COBLL1: variants seen among roughly 807,000 people sequenced by gnomAD.
The protein encoded by COBLL1 is cordon-bleu protein-like 1.
A neutral mutation model predicts 94.8 loss-of-function variants in COBLL1; 50 were observed. The ratio of observed to expected loss-of-function variants is 0.53; its 90% CI spans 0.42 to 0.67. The LOEUF is 0.67. Among genes scored for constraint, COBLL1 ranks in the 30% least tolerant of loss-of-function variants. The pLI is 0.00. For missense variants in COBLL1, 1,362 were observed against 1,348.7 expected (o/e 1.01, Z -0.15); for synonymous variants, 448 against 473.8 (o/e 0.95, Z 0.71).
intron 2 of COBLL1, among the ~76,000 whole-genome samples, chr2:164,838,483 T>C (rs538026988): frequency 5.6e-4 from 85 of 152,344 alleles, no homozygotes; most frequent in African/African-American, 2.0e-3. Flanking sequence ...TGGTTAAATA[T>C]AAGTTATCCG....
intron 2 of COBLL1, among the ~76,000 whole-genome samples, chr2:164,789,202 C>T (rs1331565455): frequency 6.6e-6 from 1 of 151,916 alleles, no homozygotes; most frequent in Non-Finnish European, 1.5e-5. Context: ...CAAAACAAAA[C>T]AAAAACACAT....
intron 7 of COBLL1, among the ~76,000 whole-genome samples, chr2:164,717,017 C>A (rs1027702766): frequency 8.5e-5 from 13 of 152,178 alleles, no homozygotes; most frequent in African/African-American, 3.1e-4. Context: ...AATAAAATTG[C>A]TAATTATAAA....
chr2:164,830,131 G>C (rs1683001529), intron 2 of COBLL1, among the ~76,000 whole-genome samples: 1 of 152,210 alleles, frequency 6.6e-6, no homozygotes, highest in South Asian at 2.1e-4. Flanking sequence ...TCATTTCACT[G>C]TACTACTCAC....
intron 3 of COBLL1, among the ~76,000 whole-genome samples, chr2:164,737,095 G>T (rs1010026288): frequency 3.9e-5 from 6 of 152,166 alleles, no homozygotes; most frequent in African/African-American, 1.4e-4. Context: ...CCCAGAGTTT[G>T]AGGCTGCAGT....
At chr2:164,696,785 C>T (rs1026511679) in intron 11 of COBLL1, 2 of 152,128 alleles carry the variant, frequency 1.3e-5, no homozygotes, top group African/African-American at 2.4e-5. Flanking sequence ...TGCCCAGTAC[C>T]GAATTAAGTC....
chr2:164,694,205 T>C (rs1683770990), intron 12 of COBLL1, 64 bp downstream of exon 12: 3 of 1,462,734 alleles, frequency 2.1e-6, no homozygotes, highest in Admixed American at 2.0e-5. Flanking sequence ...TCAACATGCT[T>C]GTTAACCCCC....
intron 10 of COBLL1, 55 bp downstream of exon 10, chr2:164,700,454 CTATATTTCAGAAG>C: frequency 2.1e-6 from 2 of 931,078 alleles, no homozygotes; most frequent in Non-Finnish European, 3.3e-6. Flanking sequence ...AATATCAGAT[CTATATTTCAGAAG>C]ACTAGTATTA....
At chr2:164,719,563 A>T (rs189056939) in intron 7 of COBLL1, among the ~76,000 whole-genome samples, 119 of 152,294 alleles carry the variant, frequency 7.8e-4, no homozygotes, top group African/African-American at 2.8e-3. Flanking sequence ...CTGTGGCAGC[A>T]TAATGCCAAT....
intron 2 of COBLL1, among the ~76,000 whole-genome samples, chr2:164,746,372 G>A (rs1686858882): frequency 1.3e-5 from 2 of 152,042 alleles, no homozygotes; most frequent in Admixed American, 1.3e-4. Flanking sequence ...CTCTGAATGT[G>A]TGGAAAAATA....
intron 5 of COBLL1, among the ~76,000 whole-genome samples, chr2:164,726,342 T>C (rs1050107949): frequency 6.6e-6 from 1 of 152,152 alleles, no homozygotes; most frequent in African/African-American, 2.4e-5. Flanking sequence ...TTGTTAAGGC[T>C]TGTTTTTTTA....
At position 164,672,383 on chromosome 2, in the gene COBLL1, GT is replaced by G. The variant is rs1222164651; in HGVS notation, n.127-6483del. Reference sequence around the variant, plus strand: ...AATCTAGACTTCAAGAAAGGAGAGGGTTTTTTTCTTCTTCCCTTAAAAATGA... The same window carrying G: ...AATCTAGACTTCAAGAAAGGAGAGGGTTTTTTCTTCTTCCCTTAAAAATGA... On this transcript the variant is annotated intron_variant and non_coding_transcript_variant, in intron 1 of 2. Coordinates refer to the COBLL1 transcript ENST00000495084. 3.3e-5 allele frequency among the ~76,000 whole-genome samples: 5 copies of G among 152,092 alleles called. 1 individual carries two copies. Among genetic ancestry groups the G allele is most frequent in the Middle Eastern group, 6.3e-3 (2 of 316 alleles).
chr2:164,686,109 C>T (rs1393687783), intron 13 of COBLL1, 77 bp from the exon 14 acceptor site: 1 of 650,400 alleles, frequency 1.5e-6, no homozygotes, highest in Non-Finnish European at 2.6e-6. Flanking sequence ...TCAACAGTTA[C>T]CACATTTTAA....
intron 2 of COBLL1, among the ~76,000 whole-genome samples, chr2:164,833,704 C>G (rs1223072055): frequency 1.3e-5 from 2 of 152,164 alleles, no homozygotes; most frequent in African/African-American, 4.8e-5. Context: ...ACCACCTCGG[C>G]CTCCCAAAGT....
intron 13 of COBLL1, among the ~76,000 whole-genome samples, chr2:164,690,282 G>A (rs907822746): frequency 3.9e-5 from 6 of 152,058 alleles, no homozygotes; most frequent in Non-Finnish European, 7.4e-5. Flanking sequence ...GATTATAGAT[G>A]AGATTTTTAT....
chr2:164,744,101 T>C (rs1686737070), intron 2 of COBLL1, among the ~76,000 whole-genome samples: 1 of 152,144 alleles, frequency 6.6e-6, no homozygotes, highest in Admixed American at 6.5e-5. Context: ...TACTTGGACA[T>C]AAAAAGAAAC....
At position 164,683,465 on chromosome 2, in the gene COBLL1, T is replaced by C. The variant is rs1683136458; in HGVS notation, c.*2481A>G. ...TACATGTATTAATGGTTTATATACA[T>C]AGCCCCCTAAATCCTATGTGACCTT... is the stretch of plus-strand genomic sequence containing the variant. On this transcript the variant is annotated 3_prime_UTR_variant, in exon 14 of 14. Coordinates refer to ENST00000652658, the MANE Select transcript of COBLL1 (RefSeq NM_001365672.2). The C allele has an allele frequency of 6.6e-6, 1 of 152,118 alleles. No homozygotes were observed. The highest frequency in any genetic ancestry group is 6.6e-5 in the Admixed American group (1 of 15,264). The allele number at this position is 152,118 out of a possible 1,614,324, so 9.4% of individuals were successfully genotyped here.
chr2:164,834,625 T>A (rs1483359672), intron 2 of COBLL1, among the ~76,000 whole-genome samples: 1 of 152,244 alleles, frequency 6.6e-6, no homozygotes, highest in Non-Finnish European at 1.5e-5. Context: ...CAGCAAACTT[T>A]GTCTGTGTAG....
chr2:164,724,435 A>C (rs1685615994), intron 5 of COBLL1: 1 of 152,190 alleles, frequency 6.6e-6, no homozygotes, highest in African/African-American at 2.4e-5. Context: ...CAATAAGTTA[A>C]ACATTAAGTG....
intron 2 of COBLL1, among the ~76,000 whole-genome samples, chr2:164,799,917 C>T (rs1025201408): frequency 1.1e-4 from 16 of 152,082 alleles, no homozygotes; most frequent in African/African-American, 3.9e-4. Context: ...AGAGCTAAAG[C>T]TTATACCTTT....
Sources: gnomAD v4.1 joint callset for allele counts (sites outside exome capture counted in the v4.1 genomes callset) on GRCh38, gnomAD v4.1.1 for gene constraint, MANE v1.5 for transcripts, NCBI Gene and HGNC (gene_info 2026-07-23, HGNC 2026-07-21) for gene names.